The following LINGO1 variants were observed in gnomAD, a reference collection of about 807,000 sequenced individuals.
The protein encoded by LINGO1 is leucine-rich repeat and immunoglobulin-like domain-containing nogo receptor-interacting protein 1.
In LINGO1, 11 loss-of-function variants were observed where a neutral mutation model predicts 37.3. The observed-to-expected ratio is 0.29, with a 90% CI of 0.19 to 0.49. The LOEUF (loss-of-function observed/expected upper bound fraction) is 0.49, where lower values mean the gene tolerates loss of function less well. Among genes scored for constraint, LINGO1 ranks in the 20% least tolerant of loss-of-function variants. LINGO1 has a pLI of 0.99. For synonymous variants in LINGO1, 387 were observed against 403.0 expected, an observed-to-expected ratio of 0.96 and a Z score of 0.48; for missense variants, 585 against 878.2, an observed-to-expected ratio of 0.67 and a Z score of 4.22.
chr15:77,644,312 G>C (rs1246527060), intron 3 of LINGO1, among the ~76,000 whole-genome samples: 8 of 152,190 alleles, frequency 5.3e-5, no homozygotes, highest in Admixed American at 5.2e-4. Context: ...TGTGCCGGAG[G>C]AGCCACAGCT....
intron 3 of LINGO1, among the ~76,000 whole-genome samples, chr15:77,674,719 T>G (rs1445646280): frequency 6.6e-6 from 1 of 151,902 alleles, no homozygotes; most frequent in African/African-American, 2.4e-5. Context: ...GAAGAGACCT[T>G]CCATGACGAC....
chr15:77,660,922 T>C (rs2074978633), intron 3 of LINGO1, among the ~76,000 whole-genome samples: 1 of 152,082 alleles, frequency 6.6e-6, no homozygotes, highest in African/African-American at 2.4e-5. Flanking sequence ...TGCCTGCTCA[T>C]CACAGTGCTG....
intron 1 of LINGO1, among the ~76,000 whole-genome samples, chr15:77,806,488 G>A (rs1311013473): frequency 6.6e-6 from 1 of 152,126 alleles, no homozygotes; most frequent in Non-Finnish European, 1.5e-5. Flanking sequence ...CAGGTCCCTG[G>A]GGCGAGCTTG....
At chr15:77,785,731 C>A (rs565899362) in intron 1 of LINGO1, among the ~76,000 whole-genome samples, 21 of 152,278 alleles carry the variant, frequency 1.4e-4, no homozygotes, top group African/African-American at 5.1e-4. Context: ...TCTCTCCCAC[C>A]CCCAGCTTCC....
chr15:77,689,497 T>C (rs936249695), intron 2 of LINGO1, among the ~76,000 whole-genome samples: 38 of 152,218 alleles, frequency 2.5e-4, no homozygotes, highest in African/African-American at 8.9e-4. Flanking sequence ...AGAACTGCCC[T>C]CCACAAATGG....
upstream of LINGO1, among the ~76,000 whole-genome samples, chr15:77,633,796 AGATCCTCCTT>A (rs753025384): frequency 3.3e-5 from 5 of 152,188 alleles, no homozygotes; most frequent in Non-Finnish European, 5.9e-5. Flanking sequence ...TCGGAGATCC[AGATCCTCCTT>A]GATCCTCAGA....
Position 77,628,836 on chromosome 15 carries a change from C to G in LINGO1, c.6+3474G>C, listed in dbSNP as rs56970601. On this transcript the variant is annotated intron_variant, in intron 1 of 1. Coordinates refer to ENST00000355300, the MANE Select transcript of LINGO1 (RefSeq NM_032808.7). Reference sequence around the variant, plus strand: ...CGCAGGCTTGCAAGCTGGGGACTCACAGCAAGTCACTCGCCACCTCTCTGG... The same window carrying G: ...CGCAGGCTTGCAAGCTGGGGACTCAGAGCAAGTCACTCGCCACCTCTCTGG... Among the ~76,000 whole-genome samples the G allele has an allele frequency of 5.2e-3, 790 of 152,312 alleles. 7 individuals are homozygous for G. Among genetic ancestry groups the G allele is most frequent in the African/African-American group, 0.018 (759 of 41,568 alleles).
At chr15:77,752,089 C>T (rs2076377723) in intron 1 of LINGO1, among the ~76,000 whole-genome samples, 1 of 152,228 alleles carries the variant, frequency 6.6e-6, no homozygotes, top group Non-Finnish European at 1.5e-5. Context: ...GGATCTATGT[C>T]ATCCCAAGGC....
rs577054528 is a variant in LINGO1, at chr15:77,683,313, C to T, written c.-98-6139G>A. On this transcript the variant is annotated intron_variant, in intron 2 of 3. Transcript: ENST00000559893. ...CCCAACCTTGGGAAGAGCAAGGTTG[C>T]TATAAAAACTGAGCAAGCAGACCCT... Among the ~76,000 whole-genome samples, 5 of 152,232 alleles carry T rather than the reference C, an allele frequency of 3.3e-5. No homozygotes were observed. The South Asian group carries it at 1.0e-3, about 32-fold the overall frequency.
At chr15:77,743,771 G>A (rs1371637662) in intron 1 of LINGO1, among the ~76,000 whole-genome samples, 2 of 151,958 alleles carry the variant, frequency 1.3e-5, no homozygotes, top group Non-Finnish European at 2.9e-5. Flanking sequence ...CAGGCAGCTG[G>A]GTGGGCATCA....
rs528475260 is a variant in LINGO1, at chr15:77,792,029, G to A, written c.-343+3910C>T. ...CAGAGGCTTCAGATACCACCCAGAT[G>A]CTGACTCCCCACACAACTGCCTCTC... On this transcript the variant is annotated intron_variant, in intron 2 of 5. Transcript: ENST00000562933. 4.6e-5 allele frequency among the ~76,000 whole-genome samples: 7 copies of A among 152,158 alleles called. No individual in the cohort carries two copies. In the South Asian group the frequency reaches 1.5e-3, roughly 32 times the overall value.
Position 77,812,020 on chromosome 15 carries a change from C to T in LINGO1, c.-458+8238G>A, listed in dbSNP as rs539460765. Among the ~76,000 whole-genome samples, 13 of 151,998 alleles carry T rather than the reference C, an allele frequency of 8.6e-5. No homozygotes were observed. The South Asian group carries it at 2.5e-3, about 29-fold the overall frequency. ...CACAATGCCTGGTGCTCCTGGTATGCCTGAAAGGCAACTGGGTCTCTGAAG... is the reference window on the plus strand; with the variant it reads ...CACAATGCCTGGTGCTCCTGGTATGTCTGAAAGGCAACTGGGTCTCTGAAG... On this transcript the variant is annotated intron_variant, in intron 1 of 5. Coordinates refer to the LINGO1 transcript ENST00000562933.
intron 1 of LINGO1, among the ~76,000 whole-genome samples, chr15:77,627,880 G>A (rs914493172): frequency 1.3e-5 from 2 of 152,156 alleles, no homozygotes; most frequent in African/African-American, 2.4e-5. Context: ...CCCCACAACT[G>A]GGGGAACGGG....
At chr15:77,775,751 G>A (rs2076631126) in intron 1 of LINGO1, among the ~76,000 whole-genome samples, 1 of 151,678 alleles carries the variant, frequency 6.6e-6, no homozygotes, top group Non-Finnish European at 1.5e-5. Flanking sequence ...TGGCTAAAGA[G>A]TTAGTTTCCT....
chr15:77,722,807 A>G lies in LINGO1; in HGVS notation c.-195+12185T>C, dbSNP rs113137484. Reference sequence around the variant, plus strand: ...ATAAGTTGGTGCTGGTTGACAGAGCATGGAATTTGAGAACCATCACAAGGG... The same window carrying G: ...ATAAGTTGGTGCTGGTTGACAGAGCGTGGAATTTGAGAACCATCACAAGGG... On this transcript the variant is annotated intron_variant, in intron 2 of 3. Transcript: ENST00000561686. 7.9e-3 allele frequency among the ~76,000 whole-genome samples: 1,203 copies of G among 152,284 alleles called. 9 individuals are homozygous for G. The highest frequency in any genetic ancestry group is 0.017 in the Middle Eastern group (5 of 294).
chr15:77,614,797 CG>C lies in LINGO1; in HGVS notation c.1109del (p.Pro370ArgfsTer248). Reference sequence around the variant, plus strand: ...ACAGGAGCCGACAGTCGCAGGCCAGCGGGTTGGAGTCCAGGATGAGTGTCTC... The same window carrying C: ...ACAGGAGCCGACAGTCGCAGGCCAGCGGTTGGAGTCCAGGATGAGTGTCTC... ...NLETLILDSNPLACDCRLLWV... is the reference protein window; with the variant it reads ...NLETLILDSNXLACDCRLLWV... On this transcript the variant is annotated frameshift_variant, in exon 2 of 2. Coordinates refer to ENST00000355300, the MANE Select transcript of LINGO1 (RefSeq NM_032808.7). LOFTEE classifies it high-confidence loss of function. 6.2e-7 allele frequency: 1 copy of C among 1,610,060 alleles called. No individual in the cohort carries two copies. Among genetic ancestry groups the C allele is most frequent in the Non-Finnish European group, 8.5e-7 (1 of 1,178,182 alleles).
upstream of LINGO1, among the ~76,000 whole-genome samples, chr15:77,789,528 AC>A (rs1169130894): frequency 2.6e-5 from 4 of 152,036 alleles, no homozygotes; most frequent in Admixed American, 6.6e-5. Flanking sequence ...AATTGCTTGA[AC>A]CCAGGAGGCA....
At chr15:77,652,330 G>A (rs559837262) in intron 3 of LINGO1, 2 of 152,112 alleles carry the variant, frequency 1.3e-5, no homozygotes, top group Admixed American at 1.3e-4. Context: ...GGGTAGAAGG[G>A]GGGTCTGTTC....
chr15:77,758,794 A>G, intron 1 of LINGO1, among the ~76,000 whole-genome samples: 1 of 151,266 alleles, frequency 6.6e-6, no homozygotes, highest in Non-Finnish European at 1.5e-5. Context: ...AGCCCCTCAC[A>G]CCATGCTTGG....
Sources: gnomAD v4.1 joint callset for allele counts (sites outside exome capture counted in the v4.1 genomes callset) on GRCh38, gnomAD v4.1.1 for gene constraint, MANE v1.5 for transcripts, NCBI Gene and HGNC (gene_info 2026-07-23, HGNC 2026-07-21) for gene names.